Variants in ATOH8 observed in about 807,000 individuals in gnomAD.
The protein encoded by ATOH8 is transcription factor ATOH8.
Under a neutral mutation model 21.2 loss-of-function variants are expected in ATOH8, and 9 were observed. The ratio of observed to expected loss-of-function variants is 0.42; its 90% CI spans 0.26 to 0.74. The LOEUF (loss-of-function observed/expected upper bound fraction) is 0.74. ATOH8 is among the 30% of genes least tolerant of loss of function. The pLI, the probability that ATOH8 is intolerant of heterozygous loss-of-function variation, is 0.24. For missense variants in ATOH8, 524 were observed against 470.9 expected (o/e 1.11, Z -1.04); for synonymous variants, 253 against 224.0 (o/e 1.13, Z -1.16).
intron 2 of ATOH8, among the ~76,000 whole-genome samples, chr2:85,769,357 C>T (rs1470073390): frequency 6.6e-6 from 1 of 152,186 alleles, no homozygotes; most frequent in Non-Finnish European, 1.5e-5. Flanking sequence ...GAGGGCTGTA[C>T]CAGAGGCTTA....
intron 2 of ATOH8, among the ~76,000 whole-genome samples, chr2:85,767,423 G>T (rs1680045682): frequency 1.3e-5 from 2 of 151,962 alleles, no homozygotes; most frequent in South Asian, 4.2e-4. Flanking sequence ...CTTATAACAG[G>T]TGCTGGGAGG....
In ATOH8 at chr2:85,785,495, G is replaced by A. The variant is rs1006852704; in HGVS notation, c.961-1390G>A. Among the ~76,000 whole-genome samples the A allele has an allele frequency of 2.0e-5, 3 of 152,162 alleles. No individual in the cohort carries two copies. Among genetic ancestry groups the A allele is most frequent in the Non-Finnish European group, 4.4e-5 (3 of 68,018 alleles). ...TCCCTCCCTCTGGCCCGGCTCCCTC[G>A]CCCTCCTTGGACCCCACTTCAGCCT... is the stretch of plus-strand genomic sequence containing the variant. On this transcript the variant is annotated intron_variant, in intron 2 of 2. Transcript: ENST00000306279. This position sits in a 1 kb window ranked among gnomAD's most constrained non-coding sequence, Gnocchi z 4.1.
Position 85,766,109 on chromosome 2 carries a change from C to A in ATOH8, c.960+1927C>A, listed in dbSNP as rs1558611310. 6.6e-6 allele frequency among the ~76,000 whole-genome samples: 1 copy of A among 152,178 alleles called. No individual in the cohort carries two copies. The highest frequency in any genetic ancestry group is 1.5e-5 in the Non-Finnish European group (1 of 68,024). On this transcript the variant is annotated intron_variant, in intron 2 of 2. Coordinates refer to ENST00000306279, the MANE Select transcript of ATOH8 (RefSeq NM_032827.7). The surrounding 1 kb of genome is among the most constrained non-coding windows in gnomAD (Gnocchi z 4.0). ...AGTGGGGACGGTGGAAATACTCACT[C>A]ATGGGCCACCGTGAAGATGAAAGGA...
chr2:85,790,766 G>C lies in ATOH8; in HGVS notation c.*3876G>C, dbSNP rs1680748261. Among the ~76,000 whole-genome samples, 1 of 152,190 alleles carries C rather than the reference G, an allele frequency of 6.6e-6. No individual in the cohort carries two copies. Among genetic ancestry groups the C allele is most frequent in the Non-Finnish European group, 1.5e-5 (1 of 68,036 alleles). On this transcript the variant is annotated 3_prime_UTR_variant, in exon 3 of 3. Coordinates refer to ENST00000306279, the MANE Select transcript of ATOH8 (RefSeq NM_032827.7). ...CAAGAGCTTGCCGGTGAGCCTGGAC[G>C]GAGGCATAGGTGCAGCTAATTAGGA...
Position 85,766,346 on chromosome 2 carries a change from C to T in ATOH8, c.960+2164C>T, listed in dbSNP as rs1038641812. On this transcript the variant is annotated intron_variant, in intron 2 of 2. Transcript: ENST00000306279. The surrounding 1 kb of genome is among the most constrained non-coding windows in gnomAD (Gnocchi z 4.0). ...CCTCTCCACCCTCCCTCCCCCACAC[C>T]CAGCCCGGGCCTGAGGGCACTTCCT... Among the ~76,000 whole-genome samples, 1 of 152,014 alleles carries T rather than the reference C, an allele frequency of 6.6e-6. No homozygotes were observed.
At chr2:85,764,744 C>T (rs2104507375) in intron 2 of ATOH8, among the ~76,000 whole-genome samples, 1 of 152,266 alleles carries the variant, frequency 6.6e-6, no homozygotes, top group South Asian at 2.1e-4. Context: ...GGTCCTGGTC[C>T]CCAGGCAGCT....
Position 85,786,936 on chromosome 2 carries a change from A to C in ATOH8, c.*46A>C, listed in dbSNP as rs1042123970. On this transcript the variant is annotated 3_prime_UTR_variant, in exon 3 of 3. Transcript: ENST00000306279. ...GGCCACCACTGTGGGCCCTCCTTCC[A>C]GTCAGGCCTGAGGACAAGGTGAGCT... is the stretch of plus-strand genomic sequence containing the variant. 1.2e-6 allele frequency: 2 copies of C among 1,613,850 alleles called. No homozygotes were observed. Among genetic ancestry groups the C allele is most frequent in the Non-Finnish European group, 1.7e-6 (2 of 1,179,924 alleles).
chr2:85,789,605 T>A lies in ATOH8; in HGVS notation c.*2715T>A, dbSNP rs1680711742. 6.6e-6 allele frequency among the ~76,000 whole-genome samples: 1 copy of A among 152,198 alleles called. No individual in the cohort carries two copies. On this transcript the variant is annotated 3_prime_UTR_variant, in exon 3 of 3. Coordinates refer to ENST00000306279, the MANE Select transcript of ATOH8 (RefSeq NM_032827.7). ...AGGAAATTGGAATCACCCAAGGAGATTATTAAATATTAAATATTGATATGA... is the reference window on the plus strand; with the variant it reads ...AGGAAATTGGAATCACCCAAGGAGAATATTAAATATTAAATATTGATATGA...
Position 85,754,412 on chromosome 2 carries a change from C to T in ATOH8, c.223C>T (p.Pro75Ser). ...GCTGCAGCCGGTCCCGGTACCGGTG[C>T]CGGTGCCAGTCCCAGTGGCGCCGGC... is the stretch of plus-strand genomic sequence containing the variant. The part of the protein sequence containing the change: ...HRLQPVPVPV[P>S]VPVPVAPAVP... The change falls in exon 1 of 3, where the codon CCG becomes TCG. Residue 75 changes from proline to serine, a missense_variant. Transcript: ENST00000306279. The T allele has an allele frequency of 6.4e-7, 1 of 1,564,180 alleles. No homozygotes were observed. Among genetic ancestry groups the T allele is most frequent in the Non-Finnish European group, 8.6e-7 (1 of 1,158,146 alleles).
At chr2:85,770,367 AC>A (rs1558613020) in intron 2 of ATOH8, among the ~76,000 whole-genome samples, 1 of 143,962 alleles carries the variant, frequency 6.9e-6, no homozygotes, top group Admixed American at 7.0e-5. Flanking sequence ...CACATATCCA[AC>A]CCCCTCCCGG....
In ATOH8 at chr2:85,789,790, T is replaced by C. The variant is rs1680717521; in HGVS notation, c.*2900T>C. On this transcript the variant is annotated 3_prime_UTR_variant, in exon 3 of 3. Transcript: ENST00000306279. The stretch of plus-strand genomic sequence containing the variant: ...GTCTGGTCTACGATAAGAAAGTGAC[T>C]TTGAGCCATCGATTTGGGAGACAGG... 6.6e-6 allele frequency among the ~76,000 whole-genome samples: 1 copy of C among 152,186 alleles called. No individual in the cohort carries two copies. Among genetic ancestry groups the C allele is most frequent in the East Asian group, 1.9e-4 (1 of 5,190 alleles).
In ATOH8 at chr2:85,787,657, A is replaced by G. The variant is rs1055770; in HGVS notation, c.*767A>G. ...CTACACCAGGGACTTGCCCCAGGGC[A>G]GCTACCTATGGGTCTTTGCTTCCCC... is the stretch of plus-strand genomic sequence containing the variant. On this transcript the variant is annotated 3_prime_UTR_variant, in exon 3 of 3. Coordinates refer to ENST00000306279, the MANE Select transcript of ATOH8 (RefSeq NM_032827.7). The G allele has an allele frequency of 0.21, 32,402 of 152,840 alleles. 3,579 individuals carry two copies. Among genetic ancestry groups the G allele is most frequent in the African/African-American group, 0.23 (9,510 of 41,556 alleles). The allele number at this position is 152,840 out of a possible 1,614,324, so 9.5% of individuals were successfully genotyped here.
At chr2:85,755,899 T>G (rs1203540361) in intron 1 of ATOH8, among the ~76,000 whole-genome samples, 1 of 147,358 alleles carries the variant, frequency 6.8e-6, no homozygotes, top group Admixed American at 6.8e-5. Context: ...TTGAAGGGTG[T>G]TTTTTTTTTC....
At chr2:85,782,679 T>TTTGTTG (rs141808495) in intron 2 of ATOH8, among the ~76,000 whole-genome samples, 2 of 151,760 alleles carry the variant, frequency 1.3e-5, no homozygotes, top group Non-Finnish European at 2.9e-5. Flanking sequence ...CCAGTATTTA[T>TTTGTTG]TTGTTGTTGT....
At chr2:85,780,164 C>T (rs1167414077) in intron 2 of ATOH8, among the ~76,000 whole-genome samples, 10 of 152,176 alleles carry the variant, frequency 6.6e-5, no homozygotes, top group Admixed American at 3.3e-4. Flanking sequence ...CAGCCCTGCA[C>T]TTGTGGAACC....
chr2:85,776,755 G>T (rs1476387626), intron 2 of ATOH8, among the ~76,000 whole-genome samples: 23 of 152,140 alleles, frequency 1.5e-4, no homozygotes, highest in Admixed American at 1.5e-3. Context: ...ACCCTCAGTG[G>T]CAGGGCAGGG....
At chr2:85,780,845 C>T in intron 2 of ATOH8, 1 of 981,822 alleles carries the variant, frequency 1.0e-6, no homozygotes. Flanking sequence ...TGCCATGTTC[C>T]CGCCCCCCGC....
intron 2 of ATOH8, chr2:85,774,571 G>A (rs1357841867): frequency 6.1e-6 from 6 of 985,436 alleles, no homozygotes; most frequent in Non-Finnish European, 7.2e-6. Flanking sequence ...AGCCACCGGC[G>A]CCTGTCTTAG....
chr2:85,791,097 C>T lies in ATOH8; in HGVS notation c.*4207C>T, dbSNP rs192497296. Among the ~76,000 whole-genome samples, 28 of 152,264 alleles carry T rather than the reference C, an allele frequency of 1.8e-4. No homozygotes were observed. The highest frequency in any genetic ancestry group is 1.2e-3 in the Admixed American group (18 of 15,304). On this transcript the variant is annotated 3_prime_UTR_variant, in exon 3 of 3. Coordinates refer to ENST00000306279, the MANE Select transcript of ATOH8 (RefSeq NM_032827.7). ...AGGAGCAGCTGGCTTCTCCCTTTGCCCCCAGGTTTTGCCCTCCCACATGTC... is the reference window on the plus strand; with the variant it reads ...AGGAGCAGCTGGCTTCTCCCTTTGCTCCCAGGTTTTGCCCTCCCACATGTC...
Sources: allele counts gnomAD v4.1 joint callset (sites outside exome capture counted in the v4.1 genomes callset), GRCh38; gene constraint gnomAD v4.1.1; non-coding constraint Gnocchi (gnomAD v3.1); transcripts MANE v1.5; gene names NCBI Gene and HGNC (gene_info 2026-07-23, HGNC 2026-07-21).